Variants in AOPEP observed in about 807,000 individuals in gnomAD.
The protein encoded by AOPEP is aminopeptidase O.
A neutral mutation model predicts 98.1 loss-of-function variants in AOPEP; 77 were observed. That is an observed-to-expected ratio of 0.78 (90% CI 0.65 to 0.95). The LOEUF (loss-of-function observed/expected upper bound fraction) is 0.95. Among genes scored for constraint, AOPEP ranks in the 40% least tolerant of loss-of-function variants. The pLI is 0.00. For missense variants in AOPEP, 1,024 were observed against 1,024.7 expected (o/e 1.00, Z 0.01); for synonymous variants, 346 against 365.3 (o/e 0.95, Z 0.60).
intron 13 of AOPEP, chr9:95,022,000 AGACACTGC>A (rs2133197519): frequency 6.6e-6 from 1 of 152,382 alleles, no homozygotes; most frequent in South Asian, 2.1e-4. Context: ...AGAAGAAATC[AGACACTGC>A]TACAGGACTC....
At position 95,060,734 on chromosome 9, in the gene AOPEP, T is replaced by C; in HGVS notation, c.2156T>C (p.Leu719Ser). The change falls in exon 14 of 17, where the codon TTG becomes TCG. Residue 719 changes from leucine to serine, a missense_variant. Around this residue, in one of 3 missense-constraint regions of AOPEP, gnomAD observed 566 missense variants for 551.7 expected, o/e 1.03. Transcript: ENST00000375315. ...DQLVLLLEHL[L>S]EQKTLSPRTL... The stretch of plus-strand genomic sequence containing the variant: ...CTGGTCTTGCTTCTGGAGCATCTCT[T>C]GGAGCAGAAGACTCTGAGCCCCCGA... 1.2e-6 allele frequency: 2 copies of C among 1,614,140 alleles called. No individual in the cohort carries two copies. Among genetic ancestry groups the C allele is most frequent in the Non-Finnish European group, 1.7e-6 (2 of 1,180,014 alleles).
chr9:94,811,215 T>G (rs1052507437), intron 5 of AOPEP, among the ~76,000 whole-genome samples: 7 of 152,180 alleles, frequency 4.6e-5, no homozygotes, highest in Admixed American at 1.3e-4. Flanking sequence ...GCAGGTGGTG[T>G]TGTTTTGACC....
intron 1 of AOPEP, among the ~76,000 whole-genome samples, chr9:94,753,025 C>A (rs958567793): frequency 6.6e-5 from 10 of 152,128 alleles, no homozygotes; most frequent in Non-Finnish European, 2.9e-5. Flanking sequence ...AAATAAGCGG[C>A]CTTTCTGGGC....
At chr9:94,983,863 C>G (rs1350807855) in intron 11 of AOPEP, among the ~76,000 whole-genome samples, 1 of 149,386 alleles carries the variant, frequency 6.7e-6, no homozygotes, top group African/African-American at 2.5e-5. Context: ...CCCCCCTCCC[C>G]CGGAAACAAG....
At chr9:95,051,089 CTTTTTT>C (rs34143867) in intron 13 of AOPEP, among the ~76,000 whole-genome samples, 1 of 129,944 alleles carries the variant, frequency 7.7e-6, no homozygotes, top group Non-Finnish European at 1.6e-5. Flanking sequence ...TTGTGGCTTA[CTTTTTT>C]TTTTTTTTTT....
At chr9:94,773,290 A>G in intron 3 of AOPEP, 122 bp downstream of exon 3, 2 of 847,040 alleles carry the variant, frequency 2.4e-6, no homozygotes, top group Non-Finnish European at 3.6e-6. Flanking sequence ...AAATGATCAT[A>G]GTATAAAACA....
the AOPEP span, among the ~76,000 whole-genome samples, chr9:95,103,669 A>G: frequency 6.6e-6 from 1 of 152,212 alleles, no homozygotes; most frequent in African/African-American, 2.4e-5. Flanking sequence ...GCAGGGCCTC[A>G]TGGATGGCGT....
At chr9:94,932,816 C>G in intron 7 of AOPEP, 1 of 985,350 alleles carries the variant, frequency 1.0e-6, no homozygotes, top group South Asian at 4.7e-5. Flanking sequence ...TGCTGTGTTT[C>G]CTTTGTATCC....
the AOPEP span, chr9:95,111,408 C>T: frequency 6.3e-7 from 1 of 1,598,860 alleles, no homozygotes; most frequent in Non-Finnish European, 8.5e-7. Context: ...TCTGCAAGCT[C>T]CTCTCAGCCC....
At chr9:95,126,093 T>C in the AOPEP span, among the ~76,000 whole-genome samples, 1 of 152,256 alleles carries the variant, frequency 6.6e-6, no homozygotes, top group African/African-American at 2.4e-5. Context: ...ATGGTGTATT[T>C]TGCCTTTCAG....
intron 13 of AOPEP, among the ~76,000 whole-genome samples, chr9:95,006,638 A>G (rs549125477): frequency 2.6e-5 from 4 of 152,324 alleles, no homozygotes; most frequent in African/African-American, 7.2e-5. Flanking sequence ...TTCAGTGTGC[A>G]TGAAAAGGGG....
At chr9:94,921,532 A>C (rs2053621302) in intron 5 of AOPEP, among the ~76,000 whole-genome samples, 1 of 152,266 alleles carries the variant, frequency 6.6e-6, no homozygotes, top group Non-Finnish European at 1.5e-5. Context: ...AGACGTTCAG[A>C]CATTTAGTGC....
At chr9:95,123,670 C>G in the AOPEP span, 1 of 649,932 alleles carries the variant, frequency 1.5e-6, no homozygotes, top group South Asian at 1.4e-5. Context: ...CTGCAGCAGT[C>G]AGGGACATTT....
At chr9:95,111,827 G>A in the AOPEP span, among the ~76,000 whole-genome samples, 3 of 152,210 alleles carry the variant, frequency 2.0e-5, no homozygotes, top group African/African-American at 4.8e-5. Context: ...ACAGGACATC[G>A]AAAGAGTGCC....
At chr9:94,911,891 A>C (rs769906175) in intron 5 of AOPEP, among the ~76,000 whole-genome samples, 1 of 152,162 alleles carries the variant, frequency 6.6e-6, no homozygotes, top group South Asian at 2.1e-4. Context: ...AAAAGTATAC[A>C]TCTTAGCATA....
chr9:94,741,713 A>G (rs1187334222), intron 1 of AOPEP, among the ~76,000 whole-genome samples: 2 of 152,184 alleles, frequency 1.3e-5, no homozygotes, highest in African/African-American at 4.8e-5. Context: ...TAGTAATTAA[A>G]AACAACTCCA....
chr9:94,881,812 C>G (rs1352911500), intron 5 of AOPEP, among the ~76,000 whole-genome samples: 1 of 152,130 alleles, frequency 6.6e-6, no homozygotes, highest in Non-Finnish European at 1.5e-5. Context: ...GTGGAAAAAT[C>G]TTAGGAATTG....
At chr9:94,730,814 A>T (rs1830345432) in intron 1 of AOPEP, among the ~76,000 whole-genome samples, 1 of 152,226 alleles carries the variant, frequency 6.6e-6, no homozygotes, top group Admixed American at 6.5e-5. Flanking sequence ...GTTATGAAGA[A>T]TTAGGACATA....
chr9:94,977,393 C>T (rs186078041), intron 10 of AOPEP, among the ~76,000 whole-genome samples: 2 of 152,118 alleles, frequency 1.3e-5, no homozygotes, highest in East Asian at 3.9e-4. Flanking sequence ...GATTTAGAGG[C>T]ACAGGCCTGT....
Sources: allele counts gnomAD v4.1 joint callset (sites outside exome capture counted in the v4.1 genomes callset), GRCh38; gene constraint gnomAD v4.1.1; regional missense constraint gnomAD v4.1.1; transcripts MANE v1.5; gene names NCBI Gene and HGNC (gene_info 2026-07-23, HGNC 2026-07-21).